LHFPL2: variants seen among roughly 807,000 people sequenced by gnomAD.
LHFPL2 encodes the protein LHFPL tetraspan subfamily member 2, also known as LHFPL tetraspan subfamily member 2 protein.
In LHFPL2, 7 loss-of-function variants were observed where a neutral mutation model predicts 17.5. The observed-to-expected ratio is 0.40, with a 90% CI of 0.23 to 0.75. The LOEUF (loss-of-function observed/expected upper bound fraction) is 0.75. Among genes scored for constraint, LHFPL2 ranks in the 30% least tolerant of loss-of-function variants. LHFPL2 has a pLI of 0.37. For synonymous variants in LHFPL2, 134 were observed against 116.2 expected, an observed-to-expected ratio of 1.15 and a Z score of -0.99; for missense variants, 241 against 294.8, an observed-to-expected ratio of 0.82 and a Z score of 1.34.
At chr5:78,524,315 T>C (rs1009805840) in intron 3 of LHFPL2, among the ~76,000 whole-genome samples, 3 of 152,206 alleles carry the variant, frequency 2.0e-5, no homozygotes, top group African/African-American at 7.2e-5. Context: ...ATTTTAGAAT[T>C]TCCTACTGAC....
chr5:78,488,645 C>CAGAACTTGGCAACTCCAGGTCTAGGATTA lies in LHFPL2; in HGVS notation c.*223_*251dup. On this transcript the variant is annotated 3_prime_UTR_variant, in exon 5 of 5. Transcript: ENST00000380345. ...TGAACCTGGGGGAGATGGAGTCTGA[C>CAGAACTTGGCAACTCCAGGTCTAGGATTA]AGAACTTGGCAACTCCAGGTCTAGG... 2.1e-6 allele frequency: 1 copy of CAGAACTTGGCAACTCCAGGTCTAGGATTA among 485,742 alleles called. No individual in the cohort carries two copies. Among genetic ancestry groups the CAGAACTTGGCAACTCCAGGTCTAGGATTA allele is most frequent in the Non-Finnish European group, 3.7e-6 (1 of 266,692 alleles). The allele number at this position is 485,742 out of a possible 1,614,324, so 30.1% of individuals were successfully genotyped here.
At chr5:78,642,319 G>A (rs573168406) in intron 1 of LHFPL2, among the ~76,000 whole-genome samples, 9 of 152,134 alleles carry the variant, frequency 5.9e-5, no homozygotes, top group South Asian at 2.1e-4. Flanking sequence ...TAACAGACAC[G>A]TGTATGGTAT....
chr5:78,509,255 G>A (rs1755027159), intron 4 of LHFPL2, among the ~76,000 whole-genome samples: 1 of 152,196 alleles, frequency 6.6e-6, no homozygotes, highest in Non-Finnish European at 1.5e-5. Context: ...CAGAGCAGCT[G>A]ATACTAATTC....
intron 4 of LHFPL2, among the ~76,000 whole-genome samples, chr5:78,494,028 C>CT (rs1754530003): frequency 6.6e-6 from 1 of 152,178 alleles, no homozygotes; most frequent in African/African-American, 2.4e-5. Flanking sequence ...AGAAAATGGT[C>CT]TGTCTGCTCT....
chr5:78,631,032 C>T (rs1313358306), intron 2 of LHFPL2, among the ~76,000 whole-genome samples: 1 of 152,206 alleles, frequency 6.6e-6, no homozygotes, highest in African/African-American at 2.4e-5. Context: ...ATCCGGGTAC[C>T]TCTCAAAGCA....
intron 4 of LHFPL2, chr5:78,494,252 A>C: frequency 1.9e-6 from 1 of 520,242 alleles, no homozygotes; most frequent in Non-Finnish European, 2.5e-6. Context: ...GGTCGCAGCA[A>C]GCCCAGCTGG....
rs184143429 is a variant in LHFPL2 at position 78,503,013 on chromosome 5, T to C, written c.430+6771A>G. On this transcript the variant is annotated intron_variant, in intron 4 of 4. Transcript: ENST00000380345. ...GGTGGCTGTCTTTAAAAGAAAAAAG[T>C]TGCTGGCCATTTAATAAAGCTACTG... Among the ~76,000 whole-genome samples the C allele has an allele frequency of 5.4e-5, 8 of 148,374 alleles. No individual in the cohort carries two copies. The East Asian group carries it at 1.6e-3, about 30-fold the overall frequency.
chr5:78,558,746 C>T (rs1039950750), intron 3 of LHFPL2, among the ~76,000 whole-genome samples: 2 of 152,214 alleles, frequency 1.3e-5, no homozygotes, highest in African/African-American at 2.4e-5. Context: ...CCAGAATCTA[C>T]CGGAACATGG....
intron 1 of LHFPL2, among the ~76,000 whole-genome samples, chr5:78,646,453 T>A (rs960779258): frequency 5.3e-5 from 8 of 152,362 alleles, no homozygotes; most frequent in African/African-American, 1.9e-4. Context: ...AGCAATCAGT[T>A]AATCTTCAAG....
At chr5:78,536,964 G>A (rs1390230060) in intron 3 of LHFPL2, among the ~76,000 whole-genome samples, 1 of 152,176 alleles carries the variant, frequency 6.6e-6, no homozygotes, top group African/African-American at 2.4e-5. Context: ...GATCACAGAA[G>A]CGCTCCAGCC....
At chr5:78,643,040 G>A (rs539059566) in intron 1 of LHFPL2, among the ~76,000 whole-genome samples, 2 of 151,920 alleles carry the variant, frequency 1.3e-5, no homozygotes, top group African/African-American at 4.8e-5. Flanking sequence ...TATGATCACA[G>A]CATTCACCTG....
chr5:78,510,218 A>G lies in LHFPL2; in HGVS notation c.-5T>C. On this transcript the variant is annotated 5_prime_UTR_variant, in exon 4 of 5. Coordinates refer to ENST00000380345, the MANE Select transcript of LHFPL2 (RefSeq NM_005779.3). ...GGTGACAATGACATGACACATATTG[A>G]TGTTCCGGGCGAAGAAAGAGTCAGG... 1 of 1,575,156 alleles carries G rather than the reference A, an allele frequency of 6.3e-7. No individual in the cohort carries two copies. The highest frequency in any genetic ancestry group is 8.6e-7 in the Non-Finnish European group (1 of 1,157,458).
intron 1 of LHFPL2, among the ~76,000 whole-genome samples, chr5:78,634,276 C>T (rs1288535697): frequency 1.3e-5 from 2 of 152,232 alleles, no homozygotes; most frequent in Non-Finnish European, 2.9e-5. Flanking sequence ...ATGCTCCACT[C>T]AGTTCCCAGG....
intron 4 of LHFPL2, among the ~76,000 whole-genome samples, chr5:78,498,411 C>T (rs115954896): frequency 8.5e-5 from 13 of 152,178 alleles, no homozygotes; most frequent in East Asian, 1.9e-4. Context: ...CTGTTTTCTA[C>T]GTTTTTAATC....
intron 1 of LHFPL2, among the ~76,000 whole-genome samples, chr5:78,632,612 C>T (rs1376481038): frequency 6.6e-6 from 1 of 152,170 alleles, no homozygotes; most frequent in East Asian, 1.9e-4. Flanking sequence ...TCCTCCCCTG[C>T]AGTACCTACC....
intron 4 of LHFPL2, 37 bp from the exon 5 acceptor site, chr5:78,489,190 C>T: frequency 1.2e-6 from 2 of 1,610,922 alleles, no homozygotes; most frequent in Non-Finnish European, 8.5e-7. Context: ...AGAAAATCCC[C>T]ATGGTGCTAC....
intron 3 of LHFPL2, among the ~76,000 whole-genome samples, chr5:78,517,369 C>T (rs1335894959): frequency 6.6e-6 from 1 of 152,204 alleles, no homozygotes; most frequent in African/African-American, 2.4e-5. Flanking sequence ...TCCAACTCCT[C>T]CTGTATCCAA....
chr5:78,546,352 C>A lies in LHFPL2; in HGVS notation c.-186+18461G>T, dbSNP rs1756273856. ...TCTGAGGCACTCCACTCACTAAAAC[C>A]ATGAGAGGGACACGGCAGCAGTGTA... On this transcript the variant is annotated intron_variant, in intron 3 of 4. Transcript: ENST00000380345. Among the ~76,000 whole-genome samples the A allele has an allele frequency of 4.6e-5, 7 of 152,328 alleles. No homozygotes were observed. The South Asian group carries it at 1.4e-3, about 32-fold the overall frequency.
intron 2 of LHFPL2, among the ~76,000 whole-genome samples, chr5:78,575,643 A>G (rs1757110387): frequency 6.6e-6 from 1 of 152,248 alleles, no homozygotes; most frequent in South Asian, 2.1e-4. Context: ...ATTTTAATGA[A>G]TGTGTCTTTT....
Sources: allele counts gnomAD v4.1 joint callset (sites outside exome capture counted in the v4.1 genomes callset), GRCh38; gene constraint gnomAD v4.1.1; transcripts MANE v1.5; gene names NCBI Gene and HGNC (gene_info 2026-07-23, HGNC 2026-07-21).